The following DNAH11 variants were observed in gnomAD, a reference collection of about 807,000 sequenced individuals.
DNAH11 encodes axonemal beta dynein heavy chain 11.
A neutral mutation model predicts 526.0 loss-of-function variants in DNAH11; 442 were observed. The observed-to-expected ratio is 0.84, with a 90% CI of 0.78 to 0.91. DNAH11 has a LOEUF of 0.91. Among genes scored for constraint, DNAH11 ranks in the 40% least tolerant of loss-of-function variants. The probability of loss-of-function intolerance (pLI) is 0.00; values close to 1 mark genes in which losing one functional copy is unlikely to be tolerated. For synonymous variants in DNAH11, 2,461 were observed against 1,935.9 expected, an observed-to-expected ratio of 1.27 and a Z score of -7.12; for missense variants, 6,989 against 5,448.7, an observed-to-expected ratio of 1.28 and a Z score of -8.90.
At chr7:21,832,780 A>G (rs1781839702) in intron 65 of DNAH11, among the ~76,000 whole-genome samples, 1 of 152,222 alleles carries the variant, frequency 6.6e-6, no homozygotes, top group Non-Finnish European at 1.5e-5. Context: ...GGAACCAAGA[A>G]TGGCTTTTAA....
chr7:21,690,597 T>C (rs1783574852), intron 34 of DNAH11, among the ~76,000 whole-genome samples, 168 bp from the exon 35 acceptor site: 2 of 152,200 alleles, frequency 1.3e-5, no homozygotes, highest in East Asian at 1.9e-4. Context: ...TTTTAATAAA[T>C]ATGCTTCAAA....
intron 80 of DNAH11, among the ~76,000 whole-genome samples, chr7:21,899,750 C>T (rs531365428): frequency 4.6e-5 from 7 of 152,308 alleles, no homozygotes; most frequent in African/African-American, 1.4e-4. Flanking sequence ...GCGAAAACCA[C>T]AGACAATCCA....
chr7:21,684,801 T>C (rs997091531), intron 32 of DNAH11, among the ~76,000 whole-genome samples: 1 of 152,238 alleles, frequency 6.6e-6, no homozygotes, highest in Non-Finnish European at 1.5e-5. Context: ...ATTGCGGAGA[T>C]AAGAATATGT....
At chr7:21,803,564 T>C (rs1011950) in intron 62 of DNAH11, among the ~76,000 whole-genome samples, 60,882 of 149,702 alleles carry the variant, frequency 0.41, 13,351 homozygotes, top group East Asian at 0.82. Context: ...TAGTCAGAAC[T>C]AGATAAACTG....
chr7:21,656,068 AC>A (rs756487700), intron 29 of DNAH11, 87 bp downstream of exon 29: 40 of 1,414,306 alleles, frequency 2.8e-5, no homozygotes, highest in Non-Finnish European at 3.6e-5. Context: ...AAAAAATTCA[AC>A]CCAGGTCAAA....
chr7:21,764,122 T>TG (rs1166747526), intron 54 of DNAH11, among the ~76,000 whole-genome samples: 1 of 152,168 alleles, frequency 6.6e-6, no homozygotes, highest in Non-Finnish European at 1.5e-5. Context: ...TGCACAGCGC[T>TG]GGACTTACAG....
At chr7:21,838,913 A>C (rs982074438) in intron 65 of DNAH11, among the ~76,000 whole-genome samples, 57 of 152,178 alleles carry the variant, frequency 3.7e-4, no homozygotes, top group Middle Eastern at 3.4e-3. Context: ...AGGAATGGCC[A>C]AACCGCTTGC....
chr7:21,871,517 T>G (rs1335295808), intron 73 of DNAH11, among the ~76,000 whole-genome samples: 1 of 152,226 alleles, frequency 6.6e-6, no homozygotes, highest in Non-Finnish European at 1.5e-5. Context: ...TTACATTTGA[T>G]TCAAGTAAAC....
At chr7:21,684,208 C>G (rs895892665) in intron 32 of DNAH11, among the ~76,000 whole-genome samples, 1 of 152,186 alleles carries the variant, frequency 6.6e-6, no homozygotes, top group Admixed American at 6.5e-5. Context: ...GGATCTATCA[C>G]CACCTCCCTC....
At chr7:21,650,718 C>G (rs559917537) in intron 28 of DNAH11, among the ~76,000 whole-genome samples, 2 of 151,952 alleles carry the variant, frequency 1.3e-5, no homozygotes, top group Non-Finnish European at 2.9e-5. Flanking sequence ...CAGCTCACTG[C>G]AACCTCTGCC....
At chr7:21,772,932 C>T (rs761793014) in intron 55 of DNAH11, among the ~76,000 whole-genome samples, 16 of 152,186 alleles carry the variant, frequency 1.1e-4, no homozygotes, top group Non-Finnish European at 2.1e-4. Flanking sequence ...TTCCCAAAGA[C>T]GTCTGAGCAT....
intron 28 of DNAH11, among the ~76,000 whole-genome samples, chr7:21,652,817 C>A (rs778750125): frequency 1.3e-5 from 2 of 152,042 alleles, no homozygotes; most frequent in Admixed American, 1.3e-4. Flanking sequence ...TTGAGGTGCT[C>A]ATATCCTTTC....
chr7:21,615,087 A>G, intron 20 of DNAH11, 27 bp from the exon 21 acceptor site: 1 of 1,579,916 alleles, frequency 6.3e-7, no homozygotes, highest in Non-Finnish European at 8.6e-7. Flanking sequence ...GGCAGTTTGT[A>G]TGCAGGTGTT....
intron 73 of DNAH11, among the ~76,000 whole-genome samples, chr7:21,870,337 A>G (rs1274103621): frequency 6.6e-6 from 1 of 152,184 alleles, no homozygotes; most frequent in African/African-American, 2.4e-5. Context: ...AGAAGCTTCC[A>G]GAGTCCAAGC....
intron 66 of DNAH11, 102 bp from the exon 67 acceptor site, chr7:21,852,365 C>T (rs901782415): frequency 2.4e-6 from 3 of 1,240,332 alleles, no homozygotes; most frequent in African/African-American, 1.6e-5. Flanking sequence ...CAAGATCATA[C>T]CACTGTACTC....
chr7:21,700,203 A>G (rs545174163), intron 36 of DNAH11, among the ~76,000 whole-genome samples: 69 of 152,328 alleles, frequency 4.5e-4, no homozygotes, highest in African/African-American at 1.5e-3. Flanking sequence ...CCTGTAGCCA[A>G]TTACAAGAGG....
chr7:21,806,729 C>T (rs1328938190), intron 62 of DNAH11, among the ~76,000 whole-genome samples: 2 of 152,034 alleles, frequency 1.3e-5, no homozygotes, highest in African/African-American at 2.4e-5. Flanking sequence ...GTATTTTTAG[C>T]GTACATTGAA....
chr7:21,799,733 A>ATACATATT (rs1282381216), intron 61 of DNAH11, among the ~76,000 whole-genome samples: 20 of 152,216 alleles, frequency 1.3e-4, no homozygotes, highest in Admixed American at 1.2e-3. Flanking sequence ...TTTGATGTAT[A>ATACATATT]TACATATTTG....
rs1554294464 is a variant in DNAH11, at chr7:21,901,192, A to C, written c.13489A>C (p.Lys4497Gln). ...CAGCTACATCTGGACCTTCAGGCTG[A>C]AGAGCGAAGAGAAGACTGCAAAATG... is the stretch of plus-strand genomic sequence containing the variant. Reference protein sequence around the residue: ...GPSYIWTFRLKSEEKTAKWVL... With the variant: ...GPSYIWTFRLQSEEKTAKWVL... Residue 4497 changes from lysine (K) to glutamine (Q), a missense_variant, in exon 82 of 82, where the codon AAG becomes CAG. Physicochemically the swap from Lys to Gln is moderately conservative, Grantham distance 53. Transcript: ENST00000409508. 6.2e-7 allele frequency: 1 copy of C among 1,613,634 alleles called. No individual in the cohort carries two copies. Among genetic ancestry groups the C allele is most frequent in the South Asian group, 1.1e-5 (1 of 91,032 alleles).
Sources: allele counts gnomAD v4.1 joint callset (sites outside exome capture counted in the v4.1 genomes callset), GRCh38; gene constraint gnomAD v4.1.1; transcripts MANE v1.5; gene names NCBI Gene and HGNC (gene_info 2026-07-23, HGNC 2026-07-21).